NBAS: variants seen among roughly 807,000 people sequenced by gnomAD.
NBAS encodes the protein NBAS subunit of NRZ tethering complex.
In NBAS, 219 loss-of-function variants were observed where a neutral mutation model predicts 302.5. That is an observed-to-expected ratio of 0.72 (90% confidence interval 0.65 to 0.81). NBAS has a LOEUF of 0.81. Ranked by LOEUF, NBAS falls within the 30% of genes least tolerant of loss-of-function variation. The pLI is 0.00. For missense variants in NBAS, 2,932 were observed against 2,841.6 expected (o/e 1.03, Z -0.72); for synonymous variants, 1,118 against 1,021.6 (o/e 1.09, Z -1.80).
the NBAS span, among the ~76,000 whole-genome samples, chr2:15,061,208 GCA>G: frequency 2.6e-5 from 4 of 152,114 alleles, no homozygotes; most frequent in Admixed American, 6.5e-5. Context: ...ACCTGTGTGT[GCA>G]CACACACATA....
downstream of NBAS, among the ~76,000 whole-genome samples, chr2:15,162,083 A>T (rs1307116930): frequency 6.6e-6 from 1 of 152,182 alleles, no homozygotes; most frequent in East Asian, 1.9e-4. Context: ...GTGGACAGAA[A>T]ACAGATACAG....
At chr2:15,497,310 G>A (rs1681107357) in intron 11 of NBAS, among the ~76,000 whole-genome samples, 1 of 152,162 alleles carries the variant, frequency 6.6e-6, no homozygotes, top group African/African-American at 2.4e-5. Context: ...GTTGCTAGGG[G>A]AACTGATTAA....
At chr2:15,517,054 CCAAGG>C (rs1162206866) in intron 9 of NBAS, among the ~76,000 whole-genome samples, 1 of 151,974 alleles carries the variant, frequency 6.6e-6, no homozygotes. Flanking sequence ...ACAAACTGCT[CCAAGG>C]AAACTATAGA....
chr2:14,857,947 ATAT>A, the NBAS span, among the ~76,000 whole-genome samples: 1 of 152,210 alleles, frequency 6.6e-6, no homozygotes, highest in South Asian at 2.1e-4. Flanking sequence ...AATAACTAGA[ATAT>A]ATAAGGAGCT....
intron 9 of NBAS, among the ~76,000 whole-genome samples, chr2:15,513,367 G>T (rs1036683517): frequency 5.3e-5 from 8 of 152,144 alleles, no homozygotes; most frequent in Non-Finnish European, 1.2e-4. Context: ...CCAAAGTCAG[G>T]CTAGTATTAT....
At chr2:15,183,747 C>A (rs1664937810) in intron 50 of NBAS, among the ~76,000 whole-genome samples, 2 of 151,894 alleles carry the variant, frequency 1.3e-5, no homozygotes. Flanking sequence ...TGTTCCCTGC[C>A]CTTAAGGTGC....
chr2:15,188,918 T>C (rs1185381287), intron 49 of NBAS, among the ~76,000 whole-genome samples: 4 of 152,196 alleles, frequency 2.6e-5, no homozygotes. Flanking sequence ...TTAGTGGCAA[T>C]CTGATCAGTG....
At chr2:15,549,615 C>G (rs1438775280) in intron 6 of NBAS, among the ~76,000 whole-genome samples, 2 of 152,082 alleles carry the variant, frequency 1.3e-5, no homozygotes, top group South Asian at 4.1e-4. Flanking sequence ...GTAGCCCCAG[C>G]CACCTGGGAA....
intron 21 of NBAS, among the ~76,000 whole-genome samples, chr2:15,446,324 T>A (rs745675458): frequency 1.3e-5 from 2 of 151,948 alleles, no homozygotes; most frequent in African/African-American, 4.8e-5. Context: ...AGACACATCA[T>A]GCAAAGAGAA....
chr2:15,333,351 A>C (rs1672437013), intron 35 of NBAS, among the ~76,000 whole-genome samples: 2 of 152,188 alleles, frequency 1.3e-5, no homozygotes, highest in Non-Finnish European at 2.9e-5. Flanking sequence ...GGATGAAAGA[A>C]GGTAGAGGTA....
At chr2:14,813,688 G>A in the NBAS span, among the ~76,000 whole-genome samples, 1 of 152,140 alleles carries the variant, frequency 6.6e-6, no homozygotes, top group African/African-American at 2.4e-5. Context: ...ATATGTAAAA[G>A]TTTGGAAAAT....
chr2:14,802,590 G>T, the NBAS span, among the ~76,000 whole-genome samples: 9 of 151,696 alleles, frequency 5.9e-5, no homozygotes, highest in Non-Finnish European at 1.2e-4. Flanking sequence ...ACATGCACAC[G>T]TATGTTTATT....
chr2:15,533,687 T>TGC (rs1663340758), intron 9 of NBAS, among the ~76,000 whole-genome samples: 1 of 20,138 alleles, frequency 5.0e-5, no homozygotes, highest in East Asian at 3.5e-4. Context: ...TGCGTGTGTG[T>TGC]GTGTGTGTGT....
At chr2:15,083,835 C>T in the NBAS span, among the ~76,000 whole-genome samples, 1 of 152,110 alleles carries the variant, frequency 6.6e-6, no homozygotes, top group Admixed American at 6.5e-5. Context: ...GGTGAGAAGA[C>T]CAGCATGTCA....
intron 44 of NBAS, among the ~76,000 whole-genome samples, chr2:15,249,653 T>C (rs983045259): frequency 8.5e-5 from 13 of 152,130 alleles, no homozygotes; most frequent in Non-Finnish European, 1.6e-4. Context: ...ATCACAAGCA[T>C]TTCTATACAC....
chr2:15,329,687 C>G (rs1048964925), intron 36 of NBAS, among the ~76,000 whole-genome samples: 1 of 152,174 alleles, frequency 6.6e-6, no homozygotes, highest in Non-Finnish European at 1.5e-5. Flanking sequence ...TCAGACCACA[C>G]TGGCCCCTTT....
At chr2:15,274,949 T>G (rs1669501741) in intron 44 of NBAS, among the ~76,000 whole-genome samples, 1 of 151,584 alleles carries the variant, frequency 6.6e-6, no homozygotes, top group Non-Finnish European at 1.5e-5. Flanking sequence ...TTTTTTGGTT[T>G]TTTTTTTTCT....
rs375188454 is a variant in NBAS, at chr2:15,424,342, T to C, written c.2550A>G (p.Ala850=). ...EKVMDWYQTR[A]EEIEHYARQV... is the part of the protein sequence containing the mutation. ...GCCGAGCATAATGCTCTATTTCCTC[T>C]GCTCTGGTCTGATACCAGTCCATAA... The change falls in exon 23 of 52, where the codon GCA becomes GCG. Residue 850 remains alanine (A), a synonymous_variant. Coordinates refer to ENST00000281513, the MANE Select transcript of NBAS (RefSeq NM_015909.4). The C allele has an allele frequency of 6.2e-7, 1 of 1,613,996 alleles. No individual in the cohort carries two copies. The highest frequency in any genetic ancestry group is 1.3e-5 in the African/African-American group (1 of 74,922).
the NBAS span, among the ~76,000 whole-genome samples, chr2:14,938,497 G>A: frequency 6.6e-6 from 1 of 152,200 alleles, no homozygotes; most frequent in Non-Finnish European, 1.5e-5. Flanking sequence ...AAATCTCTGT[G>A]TAATAACAGA....
Sources: allele counts gnomAD v4.1 joint callset (sites outside exome capture counted in the v4.1 genomes callset), GRCh38; gene constraint gnomAD v4.1.1; transcripts MANE v1.5; gene names NCBI Gene and HGNC (gene_info 2026-07-23, HGNC 2026-07-21).